Variants in TPD52L1 observed in about 807,000 individuals in gnomAD.
TPD52L1 encodes the protein TPD52 like 1, also known as tumor protein D53.
A neutral mutation model predicts 28.7 loss-of-function variants in TPD52L1; 18 were observed. That is an observed-to-expected ratio of 0.63 (90% CI 0.43 to 0.93). The LOEUF (loss-of-function observed/expected upper bound fraction) is 0.93. Ranked by LOEUF, TPD52L1 falls within the 40% of genes least tolerant of loss-of-function variation. The probability of loss-of-function intolerance (pLI) is 0.00; values close to 1 mark genes in which losing one functional copy is unlikely to be tolerated. For missense variants in TPD52L1, 203 were observed against 254.8 expected (o/e 0.80, Z 1.39); for synonymous variants, 75 against 88.8 (o/e 0.84, Z 0.88).
chr6:125,224,255 G>A (rs1795448502), intron 2 of TPD52L1, among the ~76,000 whole-genome samples: 1 of 152,220 alleles, frequency 6.6e-6, no homozygotes, highest in African/African-American at 2.4e-5. Flanking sequence ...TACTGCCAAT[G>A]TCCCTGAGAT....
chr6:125,161,862 G>T (rs961477139), intron 1 of TPD52L1, among the ~76,000 whole-genome samples: 13 of 152,266 alleles, frequency 8.5e-5, no homozygotes, highest in African/African-American at 2.6e-4. Context: ...CATGACATGA[G>T]CCCATGTTGG....
At chr6:125,168,976 G>T (rs73771230) in intron 1 of TPD52L1, among the ~76,000 whole-genome samples, 1,945 of 152,214 alleles carry the variant, frequency 0.013, 40 homozygotes, top group African/African-American at 0.045. Context: ...TTGCATGTGG[G>T]CGCTTTCTTG....
intron 1 of TPD52L1, among the ~76,000 whole-genome samples, chr6:125,178,207 AT>A (rs2114809674): frequency 6.6e-6 from 1 of 152,342 alleles, no homozygotes; most frequent in East Asian, 1.9e-4. Context: ...ATTATCTAAA[AT>A]ATACCTGTGT....
At chr6:125,194,894 G>A (rs963810320) in intron 1 of TPD52L1, among the ~76,000 whole-genome samples, 3 of 152,210 alleles carry the variant, frequency 2.0e-5, no homozygotes, top group African/African-American at 7.2e-5. Context: ...CTTAGAGAGA[G>A]TTTATTCAAG....
chr6:125,163,776 A>G (rs1422386771), intron 1 of TPD52L1, among the ~76,000 whole-genome samples: 1 of 149,682 alleles, frequency 6.7e-6, no homozygotes, highest in Non-Finnish European at 1.5e-5. Context: ...AAATACAAAA[A>G]TTAGCTGGCG....
At chr6:125,220,881 A>G (rs1201600943) in intron 2 of TPD52L1, among the ~76,000 whole-genome samples, 1 of 152,176 alleles carries the variant, frequency 6.6e-6, no homozygotes, top group Non-Finnish European at 1.5e-5. Context: ...AGAGTGTTGT[A>G]AAAAGGGCTC....
At chr6:125,167,432 A>C (rs1412645154) in intron 1 of TPD52L1, among the ~76,000 whole-genome samples, 3 of 152,142 alleles carry the variant, frequency 2.0e-5, no homozygotes, top group Non-Finnish European at 4.4e-5. Flanking sequence ...GTGTGGCTTC[A>C]TTCATTTATA....
chr6:125,202,766 C>CTTTTTTTTTTTTTTTTTT (rs55761249), intron 1 of TPD52L1, among the ~76,000 whole-genome samples: 1 of 116,450 alleles, frequency 8.6e-6, no homozygotes, highest in Non-Finnish European at 1.7e-5. Flanking sequence ...GGAGGTTTAT[C>CTTTTTTTTTTTTTTTTTT]TTTTTTTTTT....
chr6:125,186,613 CAA>C (rs1161385601), intron 1 of TPD52L1, among the ~76,000 whole-genome samples: 1 of 152,116 alleles, frequency 6.6e-6, no homozygotes, highest in Admixed American at 6.6e-5. Flanking sequence ...TGACACATGA[CAA>C]AGTGTTATGA....
chr6:125,172,148 CTTTCTTTCTTTT>C (rs1277252229), intron 1 of TPD52L1, among the ~76,000 whole-genome samples: 10 of 59,128 alleles, frequency 1.7e-4, no homozygotes, highest in African/African-American at 5.1e-4. Flanking sequence ...TTCTTTCTTT[CTTTCTTTCTTTT>C]CTTTCTTTCT....
intron 1 of TPD52L1, among the ~76,000 whole-genome samples, chr6:125,180,326 G>A (rs948844036): frequency 7.2e-5 from 11 of 152,062 alleles, no homozygotes; most frequent in African/African-American, 2.4e-4. Context: ...AGTCAGGCTC[G>A]TACTATTACA....
At chr6:125,233,274 T>A (rs540129634) in intron 3 of TPD52L1, among the ~76,000 whole-genome samples, 1 of 152,304 alleles carries the variant, frequency 6.6e-6, no homozygotes, top group South Asian at 2.1e-4. Context: ...TTCAGCATTT[T>A]AAAAACGCAC....
chr6:125,221,763 T>TC (rs1795248349), intron 2 of TPD52L1: 1 of 152,202 alleles, frequency 6.6e-6, no homozygotes, highest in Admixed American at 6.5e-5. Flanking sequence ...GTAATACACT[T>TC]CCAGAACATT....
chr6:125,198,281 T>C (rs1470637303), intron 1 of TPD52L1, among the ~76,000 whole-genome samples: 1 of 152,212 alleles, frequency 6.6e-6, no homozygotes, highest in Non-Finnish European at 1.5e-5. Flanking sequence ...TCTGTGTCTA[T>C]TGTCTTCACA....
At chr6:125,208,604 A>G (rs2114923588) in intron 1 of TPD52L1, among the ~76,000 whole-genome samples, 1 of 151,914 alleles carries the variant, frequency 6.6e-6, no homozygotes. Context: ...ACATTTTCTT[A>G]TTGGTGGCTC....
intron 3 of TPD52L1, among the ~76,000 whole-genome samples, chr6:125,238,941 A>G (rs948630320): frequency 6.6e-6 from 1 of 152,190 alleles, no homozygotes; most frequent in South Asian, 2.1e-4. Context: ...ATAAATATGC[A>G]TGTGTAAGTG....
Position 125,191,864 on chromosome 6 carries a change from G to A in TPD52L1, c.20-28214G>A, listed in dbSNP as rs117063165. Among the ~76,000 whole-genome samples, 77 of 152,252 alleles carry A rather than the reference G, an allele frequency of 5.1e-4. No individual in the cohort carries two copies. In the East Asian group the frequency reaches 0.012, roughly 23 times the overall value. ...CTATTATTATTTTTTAACAAGGTAA[G>A]TTCAAGAAGAAATGAAAAAGAGCCA... On this transcript the variant is annotated intron_variant, in intron 1 of 6. Coordinates refer to ENST00000534000, the MANE Select transcript of TPD52L1 (RefSeq NM_003287.4).
chr6:125,249,565 G>A (rs1797135678), intron 4 of TPD52L1, among the ~76,000 whole-genome samples: 1 of 151,550 alleles, frequency 6.6e-6, no homozygotes, highest in South Asian at 2.1e-4. Flanking sequence ...GGTTGTGTGT[G>A]CCTGTAGTCC....
chr6:125,211,240 C>T (rs1169575056), intron 1 of TPD52L1, among the ~76,000 whole-genome samples: 1 of 149,672 alleles, frequency 6.7e-6, no homozygotes, highest in Non-Finnish European at 1.5e-5. Context: ...ACTGCGATTT[C>T]ATTTTTAGAT....
Sources: allele counts gnomAD v4.1 joint callset (sites outside exome capture counted in the v4.1 genomes callset), GRCh38; gene constraint gnomAD v4.1.1; transcripts MANE v1.5; gene names NCBI Gene and HGNC (gene_info 2026-07-23, HGNC 2026-07-21).